The following REM1 variants were observed in gnomAD, a reference collection of about 807,000 sequenced individuals.
The protein encoded by REM1 is GTP-binding protein REM 1.
Under a neutral mutation model 27.0 loss-of-function variants are expected in REM1, and 20 were observed. The observed-to-expected ratio is 0.74, with a 90% CI of 0.52 to 1.08. The LOEUF is 1.08. REM1 is among the 50% of genes least tolerant of loss of function. REM1 has a pLI of 0.00. For synonymous variants in REM1, 159 were observed against 167.9 expected, an observed-to-expected ratio of 0.95 and a Z score of 0.41; for missense variants, 405 against 407.0, an observed-to-expected ratio of 1.00 and a Z score of 0.04.
intron 3 of REM1, 121 bp from the exon 4 acceptor site, chr20:31,482,166 C>G (rs1281394398): frequency 1.3e-6 from 1 of 798,748 alleles, no homozygotes; most frequent in African/African-American, 1.7e-5. Flanking sequence ...AGTTGTCCCC[C>G]ACACCTGTCC....
chr20:31,480,250 CAT>C (rs1980682668), intron 3 of REM1, among the ~76,000 whole-genome samples: 5 of 47,444 alleles, frequency 1.1e-4, no homozygotes, highest in Middle Eastern at 0.014. Context: ...TACATACACA[CAT>C]ACATACATAC....
At position 31,484,638 on chromosome 20, in the gene REM1, A is replaced by G; in HGVS notation, c.*208A>G. The stretch of plus-strand genomic sequence containing the variant: ...GACAGACGATGGGGCCGAAGCCCCA[A>G]GCTGGGCACAAAGTAGTTTTTTACG... On this transcript the variant is annotated 3_prime_UTR_variant, in exon 5 of 5. Transcript: ENST00000201979. 3.2e-6 allele frequency: 2 copies of G among 618,114 alleles called. No individual in the cohort carries two copies. Among genetic ancestry groups the G allele is most frequent in the Non-Finnish European group, 5.1e-6 (2 of 394,102 alleles). The allele number at this position is 618,114 out of a possible 1,614,324, so 38.3% of individuals were successfully genotyped here. A position where few individuals can be genotyped will look rare whatever the true frequency, so the allele number is the denominator to read the frequency against.
In REM1 at chr20:31,482,422, C is replaced by G. The variant is rs1302872250; in HGVS notation, c.559C>G (p.His187Asp). ...GCTGCGGCGCACACATCAGGCAGAC[C>G]ATGTGCCCATCATCCTCGTGGGCAA... ...IQLRRTHQAD[H>D]VPIILVGNKA... is the part of the protein sequence containing the mutation. Residue 187 changes from histidine (H) to aspartate (D), a missense_variant, in exon 4 of 5, where the codon CAT becomes GAT. Transcript: ENST00000201979. The G allele has an allele frequency of 1.9e-6, 3 of 1,614,048 alleles. No homozygotes were observed. The East Asian group carries it at 6.7e-5, about 36-fold the overall frequency.
Position 31,484,689 on chromosome 20 carries a change from T to G in REM1, c.*259T>G. 2 of 484,402 alleles carry G rather than the reference T, an allele frequency of 4.1e-6. No homozygotes were observed. The highest frequency in any genetic ancestry group is 5.4e-4 in the Middle Eastern group (1 of 1,866). The allele number at this position is 484,402 out of a possible 1,614,324, so 30.0% of individuals were successfully genotyped here. A position where few individuals can be genotyped will look rare whatever the true frequency, so the allele number is the denominator to read the frequency against. On this transcript the variant is annotated 3_prime_UTR_variant, in exon 5 of 5. Coordinates refer to ENST00000201979, the MANE Select transcript of REM1 (RefSeq NM_014012.6). Reference sequence around the variant, plus strand: ...TGGTGGGTGTCTTTTTGTAAAAAAATCTTCCTTGTCCCTGGGCTCTGGCCA... The same window carrying G: ...TGGTGGGTGTCTTTTTGTAAAAAAAGCTTCCTTGTCCCTGGGCTCTGGCCA...
In REM1 at chr20:31,482,506, C is replaced by T; in HGVS notation, c.625+18C>T. ...TGTGGAAGGTGAGCCCTCCATCCCA[C>T]CACCTCCTCTTCACCTGGGCCCCAC... is the stretch of plus-strand genomic sequence containing the variant. On this transcript the variant is annotated intron_variant, in intron 4 of 4. Coordinates refer to ENST00000201979, the MANE Select transcript of REM1 (RefSeq NM_014012.6). The T allele has an allele frequency of 6.2e-7, 1 of 1,610,936 alleles. No individual in the cohort carries two copies.
Position 31,484,163 on chromosome 20 carries a change from C to T in REM1, c.630C>T (p.Gly210=), listed in dbSNP as rs1420915606. 1.3e-6 allele frequency: 2 copies of T among 1,580,060 alleles called. No homozygotes were observed. The highest frequency in any genetic ancestry group is 1.7e-6 in the Non-Finnish European group (2 of 1,160,322). ...ARCREVSVEE[G]RACAVVFDCK... is the part of the protein sequence containing the mutation. ...CGCCGGGCCCCGCCCCCTTAGAGGG[C>T]CGCGCCTGCGCTGTGGTGTTCGACT... The change falls in exon 5 of 5, where the codon GGC becomes GGT. Residue 210 remains glycine (G), a synonymous_variant. Coordinates refer to ENST00000201979, the MANE Select transcript of REM1 (RefSeq NM_014012.6).
intron 2 of REM1, among the ~76,000 whole-genome samples, chr20:31,477,626 C>T (rs1043272470): frequency 1.3e-5 from 2 of 152,162 alleles, no homozygotes; most frequent in Non-Finnish European, 2.9e-5. Context: ...TCAAATCTTT[C>T]TGGCACCTAC....
At chr20:31,483,010 A>T (rs1433295764) in intron 4 of REM1, among the ~76,000 whole-genome samples, 2 of 152,146 alleles carry the variant, frequency 1.3e-5, no homozygotes, top group African/African-American at 2.4e-5. Context: ...TTTTTAAAAA[A>T]AAATTCTGGC....
intron 4 of REM1, among the ~76,000 whole-genome samples, chr20:31,483,264 C>T (rs1980795589): frequency 6.6e-6 from 1 of 152,220 alleles, no homozygotes; most frequent in African/African-American, 2.4e-5. Context: ...CACGCCACTG[C>T]ACTCCAGCCT....
intron 3 of REM1, among the ~76,000 whole-genome samples, chr20:31,478,121 C>G (rs1179782623): frequency 6.6e-6 from 1 of 152,082 alleles, no homozygotes; most frequent in African/African-American, 2.4e-5. Context: ...ACAATCCCCT[C>G]CTAGCAGCCA....
chr20:31,483,024 G>T (rs1008410159), intron 4 of REM1, among the ~76,000 whole-genome samples: 1 of 152,112 alleles, frequency 6.6e-6, no homozygotes, highest in African/African-American at 2.4e-5. Context: ...TTCTGGCCAG[G>T]CCCAGTGGCT....
At position 31,484,161 on chromosome 20, in the gene REM1, G is replaced by A; in HGVS notation, c.628G>A (p.Gly210Ser). ...CTCGCCGGGCCCCGCCCCCTTAGAG[G>A]GCCGCGCCTGCGCTGTGGTGTTCGA... ...ARCREVSVEE[G>S]RACAVVFDCK... is the part of the protein sequence containing the mutation. The change falls in exon 5 of 5, where the codon GGC (glycine) becomes AGC (serine). Residue 210 changes from glycine (G) to serine (S), a missense_variant and splice_region_variant. Coordinates refer to ENST00000201979, the MANE Select transcript of REM1 (RefSeq NM_014012.6). The A allele has an allele frequency of 1.3e-6, 2 of 1,579,188 alleles. No individual in the cohort carries two copies. The highest frequency in any genetic ancestry group is 2.7e-5 in the African/African-American group (2 of 73,370).
rs912804630 is a variant in REM1 at position 31,484,606 on chromosome 20, A to G, written c.*176A>G. ...AAGCCTGGGGGATCCCGGGAAAGCG[A>G]TGGACAGACAGACGATGGGGCCGAA... On this transcript the variant is annotated 3_prime_UTR_variant, in exon 5 of 5. Coordinates refer to ENST00000201979, the MANE Select transcript of REM1 (RefSeq NM_014012.6). The G allele has an allele frequency of 1.3e-6, 1 of 793,686 alleles. No homozygotes were observed. The highest frequency in any genetic ancestry group is 1.8e-5 in the African/African-American group (1 of 54,352). The allele number at this position is 793,686 out of a possible 1,614,324, so 49.2% of individuals were successfully genotyped here.
Position 31,482,360 on chromosome 20 carries a change from G to A in REM1, c.497G>A (p.Arg166Gln), listed in dbSNP as rs374723491. 1.7e-5 allele frequency: 28 copies of A among 1,614,118 alleles called. No homozygotes were observed. In the East Asian group the frequency reaches 1.8e-4, roughly 10 times the overall value. ...AYVIVYSIAD[R>Q]GSFESASELR... ...GTCATCGTATACTCCATCGCAGACC[G>A]AGGCAGCTTTGAGAGTGCCTCTGAG... is the stretch of plus-strand genomic sequence containing the variant. Residue 166 changes from arginine (R) to glutamine (Q), a missense_variant, in exon 4 of 5, where the codon CGA becomes CAA. By Grantham distance (43) the Arg-to-Gln change is conservative. Coordinates refer to ENST00000201979, the MANE Select transcript of REM1 (RefSeq NM_014012.6).
chr20:31,478,224 G>A (rs1004732525), intron 3 of REM1, among the ~76,000 whole-genome samples: 1 of 123,328 alleles, frequency 8.1e-6, no homozygotes, highest in African/African-American at 3.1e-5. Flanking sequence ...AAGGAACGCT[G>A]GATTTGGCCC....
chr20:31,481,432 C>T (rs1980730488), intron 3 of REM1, among the ~76,000 whole-genome samples: 1 of 151,980 alleles, frequency 6.6e-6, no homozygotes, highest in Admixed American at 6.6e-5. Flanking sequence ...TTCGCCAGTC[C>T]CCTGTGAAGC....
intron 4 of REM1, among the ~76,000 whole-genome samples, chr20:31,483,774 C>CAAA (rs549633656): frequency 1.4e-4 from 14 of 102,524 alleles, no homozygotes; most frequent in African/African-American, 3.3e-4. Flanking sequence ...AACAGACATC[C>CAAA]AAAAAAAAAA....
chr20:31,484,258 A>G lies in REM1; in HGVS notation c.725A>G (p.Gln242Arg). ...VAELFEGVVR[Q>R]LRLRRRDSAA... Reference sequence around the variant, plus strand: ...GAGCTCTTCGAGGGCGTGGTGCGCCAACTGCGCTTGCGCCGCCGGGACAGT... The same window carrying G: ...GAGCTCTTCGAGGGCGTGGTGCGCCGACTGCGCTTGCGCCGCCGGGACAGT... The change falls in exon 5 of 5, where the codon CAA (glutamine) becomes CGA (arginine). Residue 242 changes from glutamine (Q) to arginine (R), a missense_variant. By Grantham distance (43) the Gln-to-Arg change is conservative (BLOSUM62 1). Transcript: ENST00000201979. The G allele has an allele frequency of 6.2e-7, 1 of 1,602,254 alleles. No homozygotes were observed.
chr20:31,484,048 C>A, intron 4 of REM1, 111 bp from the exon 5 acceptor site: 3 of 1,220,470 alleles, frequency 2.5e-6, no homozygotes, highest in South Asian at 1.6e-5. Flanking sequence ...CAGCACCAGG[C>A]ATGAGCACAG....
Sources: allele counts gnomAD v4.1 joint callset (sites outside exome capture counted in the v4.1 genomes callset), GRCh38; gene constraint gnomAD v4.1.1; transcripts MANE v1.5; gene names NCBI Gene and HGNC (gene_info 2026-07-23, HGNC 2026-07-21).